The following MKLN1 variants were observed in gnomAD, a reference collection of about 807,000 sequenced individuals.
The protein encoded by MKLN1 is muskelin 1.
MKLN1 carries 18 observed loss-of-function variants against 99.0 expected under a neutral mutation model. That is an observed-to-expected ratio of 0.18 (90% confidence interval 0.13 to 0.27). The LOEUF is 0.27. Ranked by LOEUF, MKLN1 falls within the 10% of genes least tolerant of loss-of-function variation. The probability of loss-of-function intolerance (pLI) is 1.00; values close to 1 mark genes in which losing one functional copy is unlikely to be tolerated. For missense variants in MKLN1, 621 were observed against 875.9 expected, an observed-to-expected ratio of 0.71 and a Z score of 3.67; for synonymous variants, 288 against 293.2, an observed-to-expected ratio of 0.98 and a Z score of 0.18.
rs574666562 is a variant in MKLN1, at chr7:131,265,030, G to A, written c.-179+62056G>A. ...ATTTTTTTGTATTTTTAGTAGAGAC[G>A]GGGTTTCACCATGTGGCCAGGCTGG... On this transcript the variant is annotated intron_variant, in intron 3 of 7. Transcript: ENST00000416992. Among the ~76,000 whole-genome samples the A allele has an allele frequency of 2.6e-5, 4 of 152,122 alleles. No individual in the cohort carries two copies. The East Asian group carries it at 7.7e-4, about 29-fold the overall frequency.
At chr7:131,177,125 A>G (rs1267177153) in intron 2 of MKLN1, among the ~76,000 whole-genome samples, 1 of 152,236 alleles carries the variant, frequency 6.6e-6, no homozygotes, top group Non-Finnish European at 1.5e-5. Context: ...TACCCTACAC[A>G]ATCTTTTATG....
chr7:131,331,442 A>G (rs2116694978), intron 1 of MKLN1, among the ~76,000 whole-genome samples: 1 of 152,320 alleles, frequency 6.6e-6, no homozygotes, highest in South Asian at 2.1e-4. Flanking sequence ...AGAGCTAGGA[A>G]AAGTGAGATT....
intron 3 of MKLN1, among the ~76,000 whole-genome samples, chr7:131,245,692 T>G (rs1797476956): frequency 6.6e-6 from 1 of 152,252 alleles, no homozygotes; most frequent in South Asian, 2.1e-4. Flanking sequence ...CATACAGGTT[T>G]GAAGCCTAGG....
At chr7:131,189,064 T>C (rs760435067) in intron 2 of MKLN1, among the ~76,000 whole-genome samples, 1 of 152,212 alleles carries the variant, frequency 6.6e-6, no homozygotes, top group Non-Finnish European at 1.5e-5. Context: ...GACTCAGTTT[T>C]AATGGGTTAA....
At chr7:131,152,740 C>T (rs1449065039) in intron 2 of MKLN1, among the ~76,000 whole-genome samples, 4 of 151,868 alleles carry the variant, frequency 2.6e-5, no homozygotes, top group South Asian at 4.1e-4. Flanking sequence ...CCTCGTGATC[C>T]ACCCTGCTCG....
chr7:131,254,417 T>G (rs150185160), intron 3 of MKLN1, among the ~76,000 whole-genome samples: 22 of 152,146 alleles, frequency 1.4e-4, no homozygotes, highest in African/African-American at 5.1e-4. Context: ...ACTCATAACA[T>G]AACATAAGGA....
chr7:131,476,796 AAG>A (rs1356741505), intron 16 of MKLN1, among the ~76,000 whole-genome samples: 1 of 152,204 alleles, frequency 6.6e-6, no homozygotes, highest in East Asian at 1.9e-4. Context: ...ATTTTGAAAA[AAG>A]AAAAAATTGG....
chr7:131,133,441 G>A (rs1277452810), intron 1 of MKLN1, among the ~76,000 whole-genome samples: 1 of 129,262 alleles, frequency 7.7e-6, no homozygotes, highest in Non-Finnish European at 1.6e-5. Context: ...TGCAACCTCC[G>A]CTCCCAGGTT....
intron 3 of MKLN1, among the ~76,000 whole-genome samples, chr7:131,305,024 A>G (rs1200481040): frequency 2.6e-5 from 4 of 152,122 alleles, no homozygotes. Flanking sequence ...TCCCCTCTGG[A>G]GGATGCAGCA....
chr7:131,138,223 G>A (rs974726142), intron 1 of MKLN1, among the ~76,000 whole-genome samples: 1 of 151,364 alleles, frequency 6.6e-6, no homozygotes, highest in African/African-American at 2.4e-5. Flanking sequence ...GAGCCACTGC[G>A]CCTGGCCAGA....
intron 3 of MKLN1, among the ~76,000 whole-genome samples, chr7:131,283,383 T>TCCTA (rs1798086772): frequency 9.4e-6 from 1 of 106,516 alleles, no homozygotes; most frequent in African/African-American, 3.8e-5. Flanking sequence ...CTTCCTTCCT[T>TCCTA]CCTTCCTTCC....
chr7:131,163,031 T>C (rs1048906334), intron 2 of MKLN1, among the ~76,000 whole-genome samples: 1 of 152,208 alleles, frequency 6.6e-6, no homozygotes, highest in Non-Finnish European at 1.5e-5. Flanking sequence ...ATCCTTCTAT[T>C]ATGGGTGAGG....
chr7:131,364,012 C>A (rs1000307960), intron 1 of MKLN1, among the ~76,000 whole-genome samples: 6 of 152,016 alleles, frequency 3.9e-5, no homozygotes, highest in Non-Finnish European at 5.9e-5. Context: ...AGTAAAATCC[C>A]CTTCTTACTA....
chr7:131,207,895 T>C (rs1054847267), intron 3 of MKLN1, among the ~76,000 whole-genome samples: 1 of 152,184 alleles, frequency 6.6e-6, no homozygotes, highest in African/African-American at 2.4e-5. Context: ...AGAACATATA[T>C]AGAAATATGA....
At chr7:131,375,304 T>C (rs1793607890) in intron 1 of MKLN1, 120 bp from the exon 2 acceptor site, 7 of 641,602 alleles carry the variant, frequency 1.1e-5, no homozygotes, top group Non-Finnish European at 2.0e-5. Context: ...TGTTTTGTTT[T>C]CTATTCTTAT....
intron 1 of MKLN1, among the ~76,000 whole-genome samples, chr7:131,133,080 T>C (rs1004403307): frequency 6.6e-6 from 1 of 151,830 alleles, no homozygotes; most frequent in African/African-American, 2.4e-5. Flanking sequence ...ATATATTGAA[T>C]GGAATTGATG....
At chr7:131,315,923 C>T (rs544901212) in intron 3 of MKLN1, among the ~76,000 whole-genome samples, 6 of 152,344 alleles carry the variant, frequency 3.9e-5, no homozygotes, top group Non-Finnish European at 8.8e-5. Flanking sequence ...AAACTCTCAC[C>T]TCCCTGGGAC....
At chr7:131,430,922 G>A (rs1795504209) in intron 9 of MKLN1, among the ~76,000 whole-genome samples, 1 of 151,962 alleles carries the variant, frequency 6.6e-6, no homozygotes, top group African/African-American at 2.4e-5. Flanking sequence ...GCAAGACCCT[G>A]TCTCAAAACA....
chr7:131,203,054 C>T (rs1012370726), intron 3 of MKLN1: 6 of 152,330 alleles, frequency 3.9e-5, no homozygotes, highest in Admixed American at 1.3e-4. Context: ...ACTGTGCCCA[C>T]GTTGGTGCAA....
Sources: gnomAD v4.1 joint callset for allele counts (sites outside exome capture counted in the v4.1 genomes callset) on GRCh38, gnomAD v4.1.1 for gene constraint, MANE v1.5 for transcripts, NCBI Gene and HGNC (gene_info 2026-07-23, HGNC 2026-07-21) for gene names.